SLC10A7: variants seen among roughly 807,000 people sequenced by gnomAD.
The protein encoded by SLC10A7 is solute carrier family 10 member 7, also known as sodium/bile acid cotransporter 7.
In SLC10A7, 29 loss-of-function variants were observed where a neutral mutation model predicts 43.2. The observed-to-expected ratio is 0.67, with a 90% confidence interval of 0.50 to 0.92. SLC10A7 has a LOEUF of 0.92. Among genes scored for constraint, SLC10A7 ranks in the 40% least tolerant of loss-of-function variants. The pLI is 0.00. For missense variants in SLC10A7, 295 were observed against 403.2 expected (o/e 0.73, Z 2.30); for synonymous variants, 152 against 144.8 (o/e 1.05, Z -0.35).
chr4:146,400,265 G>A (rs1248992517), intron 5 of SLC10A7, among the ~76,000 whole-genome samples: 1 of 152,164 alleles, frequency 6.6e-6, no homozygotes, highest in Non-Finnish European at 1.5e-5. Context: ...CCTTGACAAG[G>A]GTAGAGCCTA....
In SLC10A7 at chr4:146,402,628, A is replaced by G. The variant is rs550996567; in HGVS notation, c.435+40155T>C. Among the ~76,000 whole-genome samples the G allele has an allele frequency of 1.3e-3, 204 of 152,296 alleles. 1 individual carries two copies. Among genetic ancestry groups the G allele is most frequent in the Non-Finnish European group, 2.2e-3 (152 of 68,022 alleles). On this transcript the variant is annotated intron_variant, in intron 5 of 11. Transcript: ENST00000335472. ...AAAACAGAAGAGGAAAGGGGAAAAA[A>G]GGGGGCAGGGGGACAGGAATAAGTA...
intron 5 of SLC10A7, among the ~76,000 whole-genome samples, chr4:146,330,306 G>C (rs573106070): frequency 6.6e-6 from 1 of 152,250 alleles, no homozygotes; most frequent in Admixed American, 6.5e-5. Flanking sequence ...CAAAACTAAA[G>C]TGAAATTATG....
Position 146,416,743 on chromosome 4 carries a change from T to C in SLC10A7, c.435+26040A>G, listed in dbSNP as rs897545732. On this transcript the variant is annotated intron_variant, in intron 5 of 11. Transcript: ENST00000335472. ...ATTTGGATTTAAAGCCAAAATCTTT[T>C]CAATGACCCACAAGGTCCTAACTTT... 7.7e-4 allele frequency among the ~76,000 whole-genome samples: 117 copies of C among 152,314 alleles called. 1 individual carries two copies. Among genetic ancestry groups the C allele is most frequent in the Non-Finnish European group, 1.5e-4 (10 of 68,012 alleles).
At chr4:146,447,104 A>G (rs777995414) in intron 4 of SLC10A7, among the ~76,000 whole-genome samples, 1 of 152,150 alleles carries the variant, frequency 6.6e-6, no homozygotes, top group African/African-American at 2.4e-5. Context: ...TCAAAACAGT[A>G]TCTTGCTTTA....
At chr4:146,267,114 A>T (rs1315536159) in intron 10 of SLC10A7, among the ~76,000 whole-genome samples, 1 of 152,194 alleles carries the variant, frequency 6.6e-6, no homozygotes, top group Non-Finnish European at 1.5e-5. Flanking sequence ...TACACAGGGC[A>T]GTGGAAAAAT....
intron 5 of SLC10A7, among the ~76,000 whole-genome samples, chr4:146,399,868 T>G (rs1479416872): frequency 6.6e-6 from 1 of 152,094 alleles, no homozygotes; most frequent in Admixed American, 6.6e-5. Flanking sequence ...GGCATTTTGA[T>G]GTATGAGTCC....
At chr4:146,496,184 T>G (rs1161077191) in intron 4 of SLC10A7, among the ~76,000 whole-genome samples, 1 of 152,226 alleles carries the variant, frequency 6.6e-6, no homozygotes, top group African/African-American at 2.4e-5. Flanking sequence ...CCACTACGTT[T>G]CGCCTATTTT....
At chr4:146,286,873 A>AGAAGGACTGTGTTTGGAG (rs1730024392) in intron 9 of SLC10A7, among the ~76,000 whole-genome samples, 1 of 10,556 alleles carries the variant, frequency 9.5e-5, no homozygotes, top group Non-Finnish European at 1.6e-4. Context: ...TGTGTTTGGA[A>AGAAGGACTGTGTTTGGAG]TGGTGAGAAG....
chr4:146,317,916 C>T (rs1036990121), intron 6 of SLC10A7, among the ~76,000 whole-genome samples: 10 of 151,930 alleles, frequency 6.6e-5, no homozygotes, highest in African/African-American at 1.9e-4. Flanking sequence ...TTCCCAGCTT[C>T]CAGATAGCAG....
At chr4:146,398,318 C>A (rs1738980782) in intron 5 of SLC10A7, among the ~76,000 whole-genome samples, 1 of 152,112 alleles carries the variant, frequency 6.6e-6, no homozygotes, top group South Asian at 2.1e-4. Flanking sequence ...TTTATACATA[C>A]ACAGAAAATG....
intron 4 of SLC10A7, among the ~76,000 whole-genome samples, chr4:146,486,078 T>C (rs573021126): frequency 4.6e-5 from 7 of 152,222 alleles, no homozygotes; most frequent in Non-Finnish European, 5.9e-5. Context: ...GAATACTAAA[T>C]CTTTTTTCAG....
intron 5 of SLC10A7, among the ~76,000 whole-genome samples, chr4:146,349,268 C>A (rs1209230403): frequency 6.6e-6 from 1 of 152,086 alleles, no homozygotes; most frequent in African/African-American, 2.4e-5. Flanking sequence ...AAATGCTCAA[C>A]ATCAACAATT....
intron 7 of SLC10A7, among the ~76,000 whole-genome samples, chr4:146,301,906 A>G (rs1247906716): frequency 6.6e-6 from 1 of 152,204 alleles, no homozygotes; most frequent in Non-Finnish European, 1.5e-5. Flanking sequence ...AAGAAAAAAA[A>G]AGCTACCTAT....
chr4:146,364,700 C>A (rs1465927371), intron 5 of SLC10A7, among the ~76,000 whole-genome samples: 1 of 152,042 alleles, frequency 6.6e-6, no homozygotes, highest in African/African-American at 2.4e-5. Flanking sequence ...CTTCTAAGAC[C>A]TAGCGTTCAG....
intron 4 of SLC10A7, among the ~76,000 whole-genome samples, chr4:146,474,406 C>A (rs1432161475): frequency 6.6e-6 from 1 of 152,102 alleles, no homozygotes; most frequent in East Asian, 1.9e-4. Flanking sequence ...AGTATAGAAA[C>A]TTGACTTTTG....
intron 5 of SLC10A7, among the ~76,000 whole-genome samples, chr4:146,374,619 TACAC>T (rs59049339): frequency 3.0e-3 from 365 of 123,554 alleles, no homozygotes; most frequent in Middle Eastern, 8.9e-3. Flanking sequence ...TATATACACA[TACAC>T]ACACACACAC....
chr4:146,479,226 T>C (rs1053727981), intron 4 of SLC10A7, among the ~76,000 whole-genome samples: 5 of 152,166 alleles, frequency 3.3e-5, no homozygotes, highest in African/African-American at 1.2e-4. Flanking sequence ...TCATCTCTGA[T>C]CTATTATTAA....
At chr4:146,355,893 G>A (rs1735560702) in intron 5 of SLC10A7, among the ~76,000 whole-genome samples, 1 of 104,636 alleles carries the variant, frequency 9.6e-6, no homozygotes, top group African/African-American at 3.7e-5. Context: ...CTGTGGTGGG[G>A]TGGGGGGAGG....
intron 6 of SLC10A7, among the ~76,000 whole-genome samples, chr4:146,310,531 T>C (rs1010783119): frequency 3.3e-5 from 5 of 152,170 alleles, no homozygotes; most frequent in African/African-American, 1.2e-4. Context: ...TGGTGTAAGA[T>C]GGTGTCTCAT....
Sources: allele counts gnomAD v4.1 joint callset (sites outside exome capture counted in the v4.1 genomes callset), GRCh38; gene constraint gnomAD v4.1.1; transcripts MANE v1.5; gene names NCBI Gene and HGNC (gene_info 2026-07-23, HGNC 2026-07-21).